Variants in ANKHD1 observed in about 807,000 individuals in gnomAD.
The protein encoded by ANKHD1 is ankyrin repeat and KH domain containing 1.
A neutral mutation model predicts 230.5 loss-of-function variants in ANKHD1; 31 were observed. That is an observed-to-expected ratio of 0.13 (90% confidence interval 0.10 to 0.18). The LOEUF (loss-of-function observed/expected upper bound fraction) is 0.18. Among genes scored for constraint, ANKHD1 ranks in the 10% least tolerant of loss-of-function variants. ANKHD1 has a pLI of 1.00. For synonymous variants in ANKHD1, 1,074 were observed against 1,117.6 expected, an observed-to-expected ratio of 0.96 and a Z score of 0.78; for missense variants, 2,256 against 3,071.3, an observed-to-expected ratio of 0.73 and a Z score of 6.27.
At chr5:140,509,885 C>T (rs1752685101) in intron 21 of ANKHD1, 73 bp downstream of exon 21, 2 of 1,551,532 alleles carry the variant, frequency 1.3e-6, no homozygotes, top group Non-Finnish European at 1.7e-6. Context: ...AAGTTAATAA[C>T]ATTGTTTTAC....
chr5:140,507,457 G>A lies in ANKHD1; in HGVS notation c.3552-328G>A, dbSNP rs761677117. On this transcript the variant is annotated intron_variant, in intron 19 of 33. Transcript: ENST00000360839. This position sits in a 1 kb window ranked among gnomAD's most constrained non-coding sequence, Gnocchi z 4.1. ...CAGGTAGCTGGGATTACAGGCATGC[G>A]CCACCACACCCAGCTAATTTTGTAT... Among the ~76,000 whole-genome samples the A allele has an allele frequency of 2.6e-5, 4 of 152,110 alleles. No homozygotes were observed. Among genetic ancestry groups the A allele is most frequent in the Admixed American group, 1.3e-4 (2 of 15,260 alleles).
chr5:140,450,086 G>A (rs1404562989), intron 7 of ANKHD1, among the ~76,000 whole-genome samples: 2 of 152,010 alleles, frequency 1.3e-5, no homozygotes, highest in Admixed American at 6.6e-5. Context: ...AAAAGAGAGT[G>A]CAAATACAAA....
chr5:140,419,020 C>T (rs1339261905), intron 1 of ANKHD1, among the ~76,000 whole-genome samples: 1 of 152,230 alleles, frequency 6.6e-6, no homozygotes, highest in African/African-American at 2.4e-5. Flanking sequence ...CATGAGCCAT[C>T]ATACCTGTCC....
At chr5:140,531,229 T>C in intron 29 of ANKHD1, 1 of 368,696 alleles carries the variant, frequency 2.7e-6, no homozygotes. Context: ...CTTGTATGGT[T>C]TCTTTTGTTG....
chr5:140,404,785 C>G (rs1581193059), intron 1 of ANKHD1, among the ~76,000 whole-genome samples: 1 of 151,028 alleles, frequency 6.6e-6, no homozygotes, highest in South Asian at 2.1e-4. Flanking sequence ...GCCTCAAACT[C>G]CTGGGCTCGG....
In ANKHD1 at chr5:140,440,254, T is replaced by C. The variant is rs1207567143; in HGVS notation, c.753T>C (p.Tyr251=). 5.0e-6 allele frequency: 8 copies of C among 1,609,932 alleles called. No individual in the cohort carries two copies. The highest frequency in any genetic ancestry group is 1.1e-5 in the South Asian group (1 of 90,372). The stretch of plus-strand genomic sequence containing the variant: ...GTTTGGCTTGTTCAGCAGGGTATTA[T>C]GAATTAGCACAAGTAAGCAGAAATA... ...LLCLACSAGY[Y]ELAQVLLAMH... is the part of the protein sequence containing the mutation. The change falls in exon 4 of 34, where the codon TAT becomes TAC. Residue 251 remains tyrosine (Y), a synonymous_variant. Transcript: ENST00000360839.
At chr5:140,424,212 A>G (rs1312415673) in intron 1 of ANKHD1, among the ~76,000 whole-genome samples, 1 of 144,806 alleles carries the variant, frequency 6.9e-6, no homozygotes, top group African/African-American at 2.5e-5. Context: ...TAGCTACTAT[A>G]TATATATAGA....
At chr5:140,458,945 C>CATAT (rs540544442) in intron 8 of ANKHD1, 83 bp downstream of exon 8, 1,203 of 83,582 alleles carry the variant, frequency 0.014, 50 homozygotes, top group Non-Finnish European at 0.019. Flanking sequence ...CTACAGCTAG[C>CATAT]ATATATATAT....
At chr5:140,449,473 G>A (rs1774537349) in intron 7 of ANKHD1, among the ~76,000 whole-genome samples, 168 bp downstream of exon 7, 1 of 152,116 alleles carries the variant, frequency 6.6e-6, no homozygotes. Flanking sequence ...GACCAGCCTG[G>A]CCAGTATGGT....
At chr5:140,469,339 C>CAAAAA (rs1034952876) in intron 10 of ANKHD1, among the ~76,000 whole-genome samples, 1 of 87,598 alleles carries the variant, frequency 1.1e-5, no homozygotes, top group African/African-American at 4.2e-5. Context: ...CTGTCTCTAC[C>CAAAAA]AAAAAAAAAA....
intron 33 of ANKHD1, 107 bp from the exon 34 acceptor site, chr5:140,539,252 A>G (rs1326755077): frequency 6.3e-7 from 1 of 1,574,882 alleles, no homozygotes; most frequent in African/African-American, 1.4e-5. Flanking sequence ...ATATATGTGT[A>G]TTCTTCCTAG....
intron 10 of ANKHD1, among the ~76,000 whole-genome samples, chr5:140,473,969 G>A (rs146521494): frequency 0.016 from 2,452 of 152,250 alleles, 44 homozygotes; most frequent in Non-Finnish European, 0.022. Context: ...AGGAGATTCT[G>A]ATGACAAGTT....
At chr5:140,457,682 C>T in intron 7 of ANKHD1, among the ~76,000 whole-genome samples, 1 of 151,994 alleles carries the variant, frequency 6.6e-6, no homozygotes, top group East Asian at 1.9e-4. Context: ...GGAAGGGGAA[C>T]ATCACACACC....
chr5:140,440,868 AAGGTCATTATTG>A, intron 4 of ANKHD1, 115 bp from the exon 5 acceptor site: 1 of 1,236,870 alleles, frequency 8.1e-7, no homozygotes, highest in Non-Finnish European at 1.0e-6. Flanking sequence ...ATTTTTTCAA[AAGGTCATTATTG>A]ATTTTTTCCC....
At chr5:140,454,362 C>T (rs1179798122) in intron 7 of ANKHD1, among the ~76,000 whole-genome samples, 4 of 152,212 alleles carry the variant, frequency 2.6e-5, no homozygotes, top group Middle Eastern at 3.4e-3. Flanking sequence ...CCAAGCAGAC[C>T]GAATAGGCAT....
At chr5:140,501,734 G>T (rs1021698473) in intron 15 of ANKHD1, among the ~76,000 whole-genome samples, 1 of 149,598 alleles carries the variant, frequency 6.7e-6, no homozygotes, top group Non-Finnish European at 1.5e-5. Flanking sequence ...GGGTAACAGA[G>T]CGAGACTTCA....
chr5:140,414,921 C>T (rs1212997362), intron 1 of ANKHD1, among the ~76,000 whole-genome samples: 2 of 152,002 alleles, frequency 1.3e-5, no homozygotes, highest in Non-Finnish European at 2.9e-5. Context: ...AATCCCTTAT[C>T]AGATACATAA....
At chr5:140,462,394 C>T (rs949468897) in intron 9 of ANKHD1, among the ~76,000 whole-genome samples, 10 of 151,790 alleles carry the variant, frequency 6.6e-5, no homozygotes, top group African/African-American at 2.4e-4. Context: ...AGAAACTTTC[C>T]CTCAACTATT....
intron 15 of ANKHD1, among the ~76,000 whole-genome samples, chr5:140,502,533 G>A (rs1385808952): frequency 6.6e-6 from 1 of 152,150 alleles, no homozygotes; most frequent in Non-Finnish European, 1.5e-5. Context: ...ATAATAAAGA[G>A]AGATGAGATA....
Sources: allele counts gnomAD v4.1 joint callset (sites outside exome capture counted in the v4.1 genomes callset), GRCh38; gene constraint gnomAD v4.1.1; non-coding constraint Gnocchi (gnomAD v3.1); transcripts MANE v1.5; gene names NCBI Gene and HGNC (gene_info 2026-07-23, HGNC 2026-07-21).